TOLLIP: variants seen among roughly 807,000 people sequenced by gnomAD.
TOLLIP encodes toll interacting protein.
In TOLLIP, 16 loss-of-function variants were observed where a neutral mutation model predicts 33.5. That is an observed-to-expected ratio of 0.48 (90% CI 0.32 to 0.72). The LOEUF is 0.72. Ranked by LOEUF, TOLLIP falls within the 30% of genes least tolerant of loss-of-function variation. The pLI, the probability that TOLLIP is intolerant of heterozygous loss-of-function variation, is 0.03. For synonymous variants in TOLLIP, 176 were observed against 163.7 expected, an observed-to-expected ratio of 1.07 and a Z score of -0.57; for missense variants, 325 against 396.6, an observed-to-expected ratio of 0.82 and a Z score of 1.53.
chr11:1,290,545 G>A lies in TOLLIP; in HGVS notation c.184-136C>T, dbSNP rs909726368. On this transcript the variant is annotated intron_variant, in intron 2 of 5. Coordinates refer to ENST00000317204, the MANE Select transcript of TOLLIP (RefSeq NM_019009.4). This position sits in a 1 kb window ranked among gnomAD's most constrained non-coding sequence, Gnocchi z 4.9. ...AGACTACAGCCACTCAGAGTCGCCT[G>A]AACACGGCTGTGACCTGCTTCCCAG... The A allele has an allele frequency of 6.7e-6, 5 of 750,028 alleles. No homozygotes were observed. In the South Asian group the frequency reaches 7.3e-5, roughly 11 times the overall value. 46.5% of individuals were successfully genotyped at this position (750,028 alleles called of 1,614,324 possible). A position where few individuals can be genotyped will look rare whatever the true frequency, so the allele number is the denominator to read the frequency against.
Position 1,290,066 on chromosome 11 carries a change from C to T in TOLLIP, c.366+161G>A. 1.5e-6 allele frequency: 1 copy of T among 646,050 alleles called. No individual in the cohort carries two copies. The highest frequency in any genetic ancestry group is 2.7e-6 in the Non-Finnish European group (1 of 375,708). The allele number at this position is 646,050 out of a possible 1,614,324, so 40.0% of individuals were successfully genotyped here. On this transcript the variant is annotated intron_variant, in intron 3 of 5. Transcript: ENST00000317204. This position sits in a 1 kb window ranked among gnomAD's most constrained non-coding sequence, Gnocchi z 4.9. ...CTGGAAACAATCCCTTTTTCACATT[C>T]CTTGGGGAGAGCAGGACCCTGTCAT...
chr11:1,287,083 G>A (rs1325818619), intron 4 of TOLLIP, among the ~76,000 whole-genome samples: 1 of 150,838 alleles, frequency 6.6e-6, no homozygotes, highest in African/African-American at 2.4e-5. Context: ...TCACTGCACC[G>A]CTGCCGTCTC....
intron 4 of TOLLIP, among the ~76,000 whole-genome samples, chr11:1,287,689 G>C (rs539777312): frequency 3.1e-3 from 1 of 324 alleles, no homozygotes; most frequent in East Asian, 8.5e-3. Flanking sequence ...CCCCGCCGCA[G>C]CCTCCCCGCC....
intron 5 of TOLLIP, among the ~76,000 whole-genome samples, chr11:1,281,663 C>T (rs1375681522): frequency 6.6e-6 from 1 of 152,260 alleles, no homozygotes; most frequent in East Asian, 1.9e-4. Context: ...CCGGCAGCCC[C>T]GTCTCACCAG....
Position 1,276,690 on chromosome 11 carries a change from C to A in TOLLIP, c.*349G>T. 7.2e-7 allele frequency: 1 copy of A among 1,392,014 alleles called. No homozygotes were observed. The highest frequency in any genetic ancestry group is 9.5e-7 in the Non-Finnish European group (1 of 1,054,982). 86.2% of individuals were successfully genotyped at this position (1,392,014 alleles called of 1,614,324 possible). ...CATCACAAAATGCCATGAATGGAATCGGAAGGCGCTCCACCACCTCCAACA... is the reference window on the plus strand; with the variant it reads ...CATCACAAAATGCCATGAATGGAATAGGAAGGCGCTCCACCACCTCCAACA... On this transcript the variant is annotated 3_prime_UTR_variant, in exon 6 of 6. Coordinates refer to ENST00000317204, the MANE Select transcript of TOLLIP (RefSeq NM_019009.4).
In TOLLIP at chr11:1,275,817, T is replaced by C. The variant is rs566317197; in HGVS notation, c.*1222A>G. On this transcript the variant is annotated 3_prime_UTR_variant, in exon 6 of 6. Transcript: ENST00000317204. ...GCATCTTCCACAGAAGACCCACTTG[T>C]GGGCATTCTCTTTCTGTCCGTTATC... is the stretch of plus-strand genomic sequence containing the variant. 6.3e-4 allele frequency: 96 copies of C among 152,330 alleles called. No homozygotes were observed. Among genetic ancestry groups the C allele is most frequent in the African/African-American group, 2.3e-3 (95 of 41,564 alleles). 9.4% of individuals were successfully genotyped at this position (152,330 alleles called of 1,614,324 possible). A position where few individuals can be genotyped will look rare whatever the true frequency, so the allele number is the denominator to read the frequency against.
chr11:1,300,020 C>T (rs543542639), intron 1 of TOLLIP, among the ~76,000 whole-genome samples: 85 of 152,252 alleles, frequency 5.6e-4, no homozygotes, highest in Non-Finnish European at 9.6e-4. Flanking sequence ...GAATGGAACT[C>T]GAGGGAAACA....
chr11:1,284,949 A>T (rs1187276916), intron 5 of TOLLIP, among the ~76,000 whole-genome samples: 1 of 152,134 alleles, frequency 6.6e-6, no homozygotes, highest in African/African-American at 2.4e-5. Context: ...CCGACTCCCA[A>T]GGTGGCCTTT....
At position 1,309,585 on chromosome 11, in the gene TOLLIP, A is replaced by ACAGT; in HGVS notation, c.-91_-88dup. The ACAGT allele has an allele frequency of 1.5e-6, 1 of 661,190 alleles. No individual in the cohort carries two copies. Among genetic ancestry groups the ACAGT allele is most frequent in the Non-Finnish European group, 2.1e-6 (1 of 469,602 alleles). The allele number at this position is 661,190 out of a possible 1,614,324, so 41.0% of individuals were successfully genotyped here. On this transcript the variant is annotated 5_prime_UTR_variant, in exon 1 of 6. Coordinates refer to ENST00000317204, the MANE Select transcript of TOLLIP (RefSeq NM_019009.4). Reference sequence around the variant, plus strand: ...GCCCCCGCCGGAGCCTGCGACGGAGACAGTTGTCACCTCGAGGCCGCCGCC... The same window carrying ACAGT: ...GCCCCCGCCGGAGCCTGCGACGGAGACAGTCAGTTGTCACCTCGAGGCCGCCGCC...
chr11:1,290,521 G>A lies in TOLLIP; in HGVS notation c.184-112C>T. ...CCACGAGGCCTTTTCCTAACACATA[G>A]ACTACAGCCACTCAGAGTCGCCTGA... On this transcript the variant is annotated intron_variant, in intron 2 of 5. Transcript: ENST00000317204. This position sits in a 1 kb window ranked among gnomAD's most constrained non-coding sequence, Gnocchi z 4.9. The A allele has an allele frequency of 5.2e-6, 5 of 964,136 alleles. No homozygotes were observed. Among genetic ancestry groups the A allele is most frequent in the Non-Finnish European group, 7.8e-6 (5 of 643,322 alleles). 59.7% of individuals were successfully genotyped at this position (964,136 alleles called of 1,614,324 possible).
Position 1,290,165 on chromosome 11 carries a change from T to A in TOLLIP, c.366+62A>T. 1 of 1,549,880 alleles carries A rather than the reference T, an allele frequency of 6.5e-7. No homozygotes were observed. Among genetic ancestry groups the A allele is most frequent in the Non-Finnish European group, 8.8e-7 (1 of 1,136,094 alleles). On this transcript the variant is annotated intron_variant, in intron 3 of 5. Coordinates refer to ENST00000317204, the MANE Select transcript of TOLLIP (RefSeq NM_019009.4). The surrounding 1 kb of genome is among the most constrained non-coding windows in gnomAD (Gnocchi z 4.9). The stretch of plus-strand genomic sequence containing the variant: ...GAACGTGGCTGTGTTGGCAGGTGTG[T>A]CCCCACGGCAGCCACGCTCAGCCAC...
chr11:1,286,598 A>G (rs1166199306), intron 4 of TOLLIP, among the ~76,000 whole-genome samples: 2 of 151,470 alleles, frequency 1.3e-5, no homozygotes, highest in African/African-American at 4.9e-5. Context: ...GTTTAGTTCA[A>G]AACTGTCCAC....
chr11:1,295,873 TC>T, intron 1 of TOLLIP, 79 bp from the exon 2 acceptor site: 1 of 1,471,658 alleles, frequency 6.8e-7, no homozygotes, highest in Non-Finnish European at 9.1e-7. Flanking sequence ...CCCCCGGCAT[TC>T]CCGCGGCCCC....
At chr11:1,287,262 G>A (rs1038624551) in intron 4 of TOLLIP, among the ~76,000 whole-genome samples, 10 of 152,196 alleles carry the variant, frequency 6.6e-5, no homozygotes, top group Non-Finnish European at 1.2e-4. Flanking sequence ...GTATGAAAGC[G>A]TCTGTTAAAG....
intron 5 of TOLLIP, among the ~76,000 whole-genome samples, chr11:1,284,737 G>T (rs1420205818): frequency 2.6e-5 from 4 of 152,208 alleles, no homozygotes; most frequent in African/African-American, 9.6e-5. Flanking sequence ...AGGCAGCCCT[G>T]GCACCTGCGC....
chr11:1,307,042 G>A (rs539779770), intron 1 of TOLLIP, among the ~76,000 whole-genome samples: 3 of 152,266 alleles, frequency 2.0e-5, no homozygotes, highest in African/African-American at 7.2e-5. Flanking sequence ...GTCCTTATGT[G>A]CTGCCATGTC....
intron 4 of TOLLIP, 109 bp downstream of exon 4, chr11:1,288,515 T>C (rs1863821219): frequency 3.0e-6 from 4 of 1,345,128 alleles, no homozygotes; most frequent in Admixed American, 4.7e-5. Context: ...TGCTGTTTTA[T>C]GGGCTCAGTG....
intron 5 of TOLLIP, chr11:1,283,280 T>TAA: frequency 3.3e-6 from 1 of 305,150 alleles, no homozygotes; most frequent in South Asian, 2.7e-5. Context: ...GACCAGAACA[T>TAA]ACCCTAGGAG....
intron 1 of TOLLIP, among the ~76,000 whole-genome samples, chr11:1,307,596 T>C (rs1864452608): frequency 6.6e-6 from 1 of 152,210 alleles, no homozygotes; most frequent in South Asian, 2.1e-4. Context: ...GAAGGGGCCA[T>C]CCTGCCTGGC....
Sources: gnomAD v4.1 joint callset for allele counts (sites outside exome capture counted in the v4.1 genomes callset) on GRCh38, gnomAD v4.1.1 for gene constraint, Gnocchi (gnomAD v3.1) non-coding constraint, MANE v1.5 for transcripts, NCBI Gene and HGNC (gene_info 2026-07-23, HGNC 2026-07-21) for gene names.